Variants in TMTC2 observed in about 807,000 individuals in gnomAD.
TMTC2 encodes the protein protein O-mannosyl-transferase TMTC2.
Under a neutral mutation model 82.4 loss-of-function variants are expected in TMTC2, and 43 were observed. That is an observed-to-expected ratio of 0.52 (90% CI 0.41 to 0.67). The LOEUF is 0.67. Among genes scored for constraint, TMTC2 ranks in the 30% least tolerant of loss-of-function variants. The pLI is 0.00. For missense variants in TMTC2, 919 were observed against 1,012.4 expected, an observed-to-expected ratio of 0.91 and a Z score of 1.25; for synonymous variants, 408 against 381.9, an observed-to-expected ratio of 1.07 and a Z score of -0.80.
chr12:82,965,269 C>T (rs1878139263), intron 5 of TMTC2, among the ~76,000 whole-genome samples, 160 bp downstream of exon 5: 2 of 152,192 alleles, frequency 1.3e-5, no homozygotes, highest in South Asian at 2.1e-4. Flanking sequence ...TTGCATCATA[C>T]TTTAATGTCC....
intron 11 of TMTC2, among the ~76,000 whole-genome samples, chr12:83,092,961 A>G (rs755419701): frequency 8.5e-5 from 13 of 152,192 alleles, no homozygotes; most frequent in Non-Finnish European, 1.3e-4. Context: ...CATGTTTGAA[A>G]CGTGTGTTCA....
intron 11 of TMTC2, among the ~76,000 whole-genome samples, chr12:83,112,181 C>CT (rs1175486505): frequency 6.6e-6 from 1 of 152,068 alleles, no homozygotes; most frequent in Non-Finnish European, 1.5e-5. Flanking sequence ...TTATAAATTT[C>CT]TTTTTTGGCT....
At chr12:82,765,776 A>G (rs1475937996) in intron 1 of TMTC2, among the ~76,000 whole-genome samples, 4 of 152,346 alleles carry the variant, frequency 2.6e-5, no homozygotes, top group Non-Finnish European at 4.4e-5. Context: ...TCACCCAGTC[A>G]TATCACTGGG....
chr12:82,697,659 G>A (rs11613042), intron 1 of TMTC2, among the ~76,000 whole-genome samples: 7,144 of 152,254 alleles, frequency 0.047, 242 homozygotes, highest in Non-Finnish European at 0.068. Flanking sequence ...AATCCTAGGC[G>A]ATGATCTCTA....
chr12:82,769,572 T>C (rs1179991799), intron 1 of TMTC2, among the ~76,000 whole-genome samples: 6 of 152,178 alleles, frequency 3.9e-5, no homozygotes, highest in Non-Finnish European at 7.3e-5. Context: ...TCTTGTCTAA[T>C]GTTTCTGGAG....
chr12:82,858,070 T>C (rs528740904), intron 2 of TMTC2, among the ~76,000 whole-genome samples: 3 of 152,326 alleles, frequency 2.0e-5, no homozygotes, highest in African/African-American at 7.2e-5. Context: ...TCTTAAACAA[T>C]GAATCATACT....
At chr12:82,954,951 AT>A (rs1480790152) in intron 4 of TMTC2, among the ~76,000 whole-genome samples, 2 of 152,224 alleles carry the variant, frequency 1.3e-5, no homozygotes, top group African/African-American at 2.4e-5. Context: ...TTAATGAAAA[AT>A]AATGTAATCC....
chr12:82,875,852 C>G (rs900591539), intron 2 of TMTC2, among the ~76,000 whole-genome samples: 3 of 140,808 alleles, frequency 2.1e-5, no homozygotes, highest in South Asian at 4.4e-4. Context: ...ATTCATTGCT[C>G]TTAGTATAAA....
chr12:82,999,897 A>G (rs1879838831), intron 8 of TMTC2, among the ~76,000 whole-genome samples: 1 of 152,206 alleles, frequency 6.6e-6, no homozygotes, highest in African/African-American at 2.4e-5. Flanking sequence ...ATGCCTTCCC[A>G]ACAGTCTCCC....
intron 9 of TMTC2, among the ~76,000 whole-genome samples, chr12:83,033,037 A>G (rs1881506402): frequency 6.6e-6 from 1 of 152,200 alleles, no homozygotes; most frequent in African/African-American, 2.4e-5. Flanking sequence ...ATTAAATATA[A>G]TTTTATGAAA....
intron 6 of TMTC2, 29 bp downstream of exon 6, chr12:82,965,773 C>A (rs574350659): frequency 5.6e-6 from 9 of 1,612,046 alleles, no homozygotes; most frequent in Non-Finnish European, 5.9e-6. Flanking sequence ...TGTCCTTTTC[C>A]CTCCCCCTTG....
intron 2 of TMTC2, among the ~76,000 whole-genome samples, chr12:82,891,588 G>A (rs77006389): frequency 0.034 from 5,187 of 152,226 alleles, 132 homozygotes; most frequent in East Asian, 0.11. Context: ...GATTACAGGT[G>A]TGAGCCACCA....
intron 1 of TMTC2, among the ~76,000 whole-genome samples, chr12:82,820,939 G>A (rs11115444): frequency 0.079 from 12,072 of 152,156 alleles, 605 homozygotes; most frequent in Middle Eastern, 0.16. Flanking sequence ...GTGCAGTGGC[G>A]GAAAGAACTC....
chr12:83,031,049 G>A (rs939450687), intron 9 of TMTC2, among the ~76,000 whole-genome samples, 170 bp downstream of exon 9: 1 of 152,024 alleles, frequency 6.6e-6, no homozygotes, highest in Non-Finnish European at 1.5e-5. Flanking sequence ...CCTATTAGAC[G>A]GGCTGTGCAT....
chr12:82,817,008 C>G (rs1868778499), intron 1 of TMTC2, among the ~76,000 whole-genome samples: 1 of 149,458 alleles, frequency 6.7e-6, no homozygotes, highest in Non-Finnish European at 1.5e-5. Flanking sequence ...ACTCTTGTCG[C>G]CCAGGCTGGA....
chr12:82,825,460 G>A (rs79870746), intron 1 of TMTC2, among the ~76,000 whole-genome samples: 184 of 152,240 alleles, frequency 1.2e-3, no homozygotes, highest in African/African-American at 3.8e-3. Flanking sequence ...GAGGCTGTTC[G>A]TAAAATTGCT....
intron 11 of TMTC2, among the ~76,000 whole-genome samples, chr12:83,114,842 A>T (rs1884702921): frequency 6.6e-6 from 1 of 151,586 alleles, no homozygotes; most frequent in African/African-American, 2.4e-5. Context: ...CATTTTATAT[A>T]TATGTATATA....
chr12:82,733,778 C>T (rs1162202026), intron 1 of TMTC2, among the ~76,000 whole-genome samples: 1 of 152,078 alleles, frequency 6.6e-6, no homozygotes, highest in African/African-American at 2.4e-5. Context: ...TATTCTGTAT[C>T]GAAATTTGTG....
chr12:83,024,000 A>G (rs539278441), intron 8 of TMTC2, among the ~76,000 whole-genome samples: 4 of 152,280 alleles, frequency 2.6e-5, no homozygotes, highest in African/African-American at 9.6e-5. Flanking sequence ...TTATTCTGTC[A>G]TTTCTATTTA....
Sources: gnomAD v4.1 joint callset for allele counts (sites outside exome capture counted in the v4.1 genomes callset) on GRCh38, gnomAD v4.1.1 for gene constraint, MANE v1.5 for transcripts, NCBI Gene and HGNC (gene_info 2026-07-23, HGNC 2026-07-21) for gene names.